Variants in CRADD observed in about 807,000 individuals in gnomAD.
The protein encoded by CRADD is death domain-containing protein CRADD.
CRADD carries 9 observed loss-of-function variants against 15.5 expected under a neutral mutation model. The ratio of observed to expected loss-of-function variants is 0.58; its 90% CI spans 0.35 to 1.01. CRADD has a LOEUF of 1.01. Ranked by LOEUF, CRADD falls within the 50% of genes least tolerant of loss-of-function variation. The probability of loss-of-function intolerance (pLI) is 0.02; values close to 1 mark genes in which losing one functional copy is unlikely to be tolerated. For missense variants in CRADD, 227 were observed against 250.3 expected, an observed-to-expected ratio of 0.91 and a Z score of 0.63; for synonymous variants, 118 against 107.6, an observed-to-expected ratio of 1.10 and a Z score of -0.60.
At chr12:93,756,225 T>C (rs920220822) in intron 2 of CRADD, among the ~76,000 whole-genome samples, 3 of 152,224 alleles carry the variant, frequency 2.0e-5, no homozygotes, top group Non-Finnish European at 2.9e-5. Flanking sequence ...CATCTTTCTC[T>C]TTTTTGTTCA....
chr12:93,817,965 T>C (rs938951771), intron 2 of CRADD, among the ~76,000 whole-genome samples: 5 of 152,162 alleles, frequency 3.3e-5, no homozygotes, highest in Admixed American at 3.3e-4. Flanking sequence ...CGGTGCCTTG[T>C]GGATGGGCAG....
chr12:93,737,253 T>G (rs1198365365), intron 2 of CRADD, among the ~76,000 whole-genome samples: 1 of 152,198 alleles, frequency 6.6e-6, no homozygotes, highest in Non-Finnish European at 1.5e-5. Flanking sequence ...TGAAGAAAGC[T>G]TTTTTTGAGA....
intron 2 of CRADD, among the ~76,000 whole-genome samples, chr12:93,880,072 C>G (rs1375125013): frequency 6.6e-6 from 1 of 152,126 alleles, no homozygotes; most frequent in Non-Finnish European, 1.5e-5. Flanking sequence ...ATCCAGTAGG[C>G]CCCTCCTTCA....
At chr12:93,727,817 G>A (rs1452523887) in intron 2 of CRADD, among the ~76,000 whole-genome samples, 3 of 152,058 alleles carry the variant, frequency 2.0e-5, no homozygotes, top group African/African-American at 7.3e-5. Context: ...TATTGATGAC[G>A]TTCTTAAGTC....
intron 2 of CRADD, among the ~76,000 whole-genome samples, chr12:93,746,582 G>A (rs1186698988): frequency 6.6e-6 from 1 of 152,062 alleles, no homozygotes; most frequent in African/African-American, 2.4e-5. Context: ...GCCCCAACCC[G>A]GGAATTAGTG....
intron 2 of CRADD, among the ~76,000 whole-genome samples, chr12:93,771,462 A>C (rs1375868979): frequency 6.6e-6 from 1 of 152,084 alleles, no homozygotes; most frequent in African/African-American, 2.4e-5. Flanking sequence ...ATATTTTCCT[A>C]TTACTTAATA....
chr12:93,750,983 A>G (rs1956822188), intron 2 of CRADD, among the ~76,000 whole-genome samples: 1 of 152,214 alleles, frequency 6.6e-6, no homozygotes, highest in African/African-American at 2.4e-5. Flanking sequence ...AGTTAATTTT[A>G]GGCCAGCCTC....
chr12:93,796,302 C>T (rs1957417101), intron 2 of CRADD, among the ~76,000 whole-genome samples: 1 of 151,992 alleles, frequency 6.6e-6, no homozygotes, highest in African/African-American at 2.4e-5. Flanking sequence ...TCTTTATGAA[C>T]TACCATATAA....
intron 2 of CRADD, among the ~76,000 whole-genome samples, chr12:93,861,993 A>T (rs1278357611): frequency 6.6e-6 from 1 of 152,140 alleles, no homozygotes; most frequent in African/African-American, 2.4e-5. Context: ...AGTAAGTTTC[A>T]TGAGATCTGA....
At chr12:93,879,756 C>T (rs961948280) in intron 2 of CRADD, among the ~76,000 whole-genome samples, 7 of 152,166 alleles carry the variant, frequency 4.6e-5, no homozygotes, top group Non-Finnish European at 8.8e-5. Flanking sequence ...GGGTCTCCCG[C>T]GACTGATCCT....
intron 2 of CRADD, among the ~76,000 whole-genome samples, chr12:93,701,431 C>T (rs1955843327): frequency 6.6e-6 from 1 of 152,152 alleles, no homozygotes; most frequent in Non-Finnish European, 1.5e-5. Flanking sequence ...ATCCTTGGCA[C>T]GTGATTTCCA....
chr12:93,786,437 A>G lies in CRADD; in HGVS notation c.299-63533A>G, dbSNP rs535509617. ...ACTGCGGGTACTATGTATTAAGTATACATAGTAGGCACATCCTCAAAGGGA... is the reference window on the plus strand; with the variant it reads ...ACTGCGGGTACTATGTATTAAGTATGCATAGTAGGCACATCCTCAAAGGGA... On this transcript the variant is annotated intron_variant, in intron 2 of 2. Coordinates refer to ENST00000332896, the MANE Select transcript of CRADD (RefSeq NM_003805.5). Among the ~76,000 whole-genome samples the G allele has an allele frequency of 2.6e-4, 39 of 152,344 alleles. 1 individual carries two copies. In the South Asian group the frequency reaches 7.0e-3, roughly 27 times the overall value.
Position 93,678,928 on chromosome 12 carries a change from C to G in CRADD, c.154C>G (p.Arg52Gly). ...QEINAQTTGLRKTMLLLDILP... is the reference protein window; with the variant it reads ...QEINAQTTGLGKTMLLLDILP... ...AATCAATGCTCAAACCACAGGCCTC[C>G]GGAAAACAATGCTCCTGCTGGATAT... The change falls in exon 2 of 3, where the codon CGG (arginine) becomes GGG (glycine). Residue 52 changes from arginine to glycine, a missense_variant. Coordinates refer to ENST00000332896, the MANE Select transcript of CRADD (RefSeq NM_003805.5). The G allele has an allele frequency of 6.2e-7, 1 of 1,614,148 alleles. No homozygotes were observed. Among genetic ancestry groups the G allele is most frequent in the Non-Finnish European group, 8.5e-7 (1 of 1,180,018 alleles).
intron 2 of CRADD, among the ~76,000 whole-genome samples, chr12:93,728,941 A>G (rs1956416503): frequency 6.6e-6 from 1 of 152,220 alleles, no homozygotes; most frequent in Non-Finnish European, 1.5e-5. Context: ...GCTTGAGTAT[A>G]CATGGAAACC....
intron 2 of CRADD, among the ~76,000 whole-genome samples, chr12:93,771,588 G>A (rs1957086064): frequency 1.3e-5 from 2 of 152,308 alleles, no homozygotes; most frequent in South Asian, 4.1e-4. Context: ...TTACAGAAGA[G>A]CACAAAAAGA....
At chr12:93,806,451 C>CAAAAAAAA (rs59372325) in intron 2 of CRADD, among the ~76,000 whole-genome samples, 97 of 59,076 alleles carry the variant, frequency 1.6e-3, no homozygotes, top group African/African-American at 2.4e-3. Flanking sequence ...GACTCCATCT[C>CAAAAAAAA]AAAAAAAAAA....
At chr12:93,812,522 CA>C (rs34615107) in intron 2 of CRADD, among the ~76,000 whole-genome samples, 35,719 of 124,272 alleles carry the variant, frequency 0.29, 4,277 homozygotes, top group Middle Eastern at 0.35. Flanking sequence ...TAAAAAAATA[CA>C]AAAAAAAAAA....
At chr12:93,744,714 T>TA (rs1956726884) in intron 2 of CRADD, among the ~76,000 whole-genome samples, 1 of 152,174 alleles carries the variant, frequency 6.6e-6, no homozygotes, top group Non-Finnish European at 1.5e-5. Context: ...TTTTGCAAGG[T>TA]AAAATTAAAA....
intron 2 of CRADD, among the ~76,000 whole-genome samples, chr12:93,872,472 T>C (rs1958429091): frequency 6.6e-6 from 1 of 152,074 alleles, no homozygotes. Flanking sequence ...CTCAATAAAT[T>C]TTTGCCCAGG....
Sources: gnomAD v4.1 joint callset for allele counts (sites outside exome capture counted in the v4.1 genomes callset) on GRCh38, gnomAD v4.1.1 for gene constraint, MANE v1.5 for transcripts, NCBI Gene and HGNC (gene_info 2026-07-23, HGNC 2026-07-21) for gene names.